SLC17A2: variants seen among roughly 807,000 people sequenced by gnomAD.
The protein encoded by SLC17A2 is sodium-dependent phosphate transport protein 3.
SLC17A2 carries 38 observed loss-of-function variants against 52.1 expected under a neutral mutation model. The ratio of observed to expected loss-of-function variants is 0.73; its 90% CI spans 0.56 to 0.96. The LOEUF (loss-of-function observed/expected upper bound fraction) is 0.96, where lower values mean the gene tolerates loss of function less well. Ranked by LOEUF, SLC17A2 falls within the 40% of genes least tolerant of loss-of-function variation. The probability of loss-of-function intolerance (pLI) is 0.00; values close to 1 mark genes in which losing one functional copy is unlikely to be tolerated. For missense variants in SLC17A2, 508 were observed against 583.9 expected, an observed-to-expected ratio of 0.87 and a Z score of 1.34; for synonymous variants, 226 against 211.9, an observed-to-expected ratio of 1.07 and a Z score of -0.58.
chr6:25,915,900 T>A, intron 8 of SLC17A2, 32 bp from the exon 9 acceptor site: 1 of 1,602,766 alleles, frequency 6.2e-7, no homozygotes, highest in Non-Finnish European at 8.5e-7. Flanking sequence ...AGAGTAGTTA[T>A]AGAGATACGT....
intron 8 of SLC17A2, 36 bp downstream of exon 8, chr6:25,916,649 T>C: frequency 3.2e-6 from 5 of 1,551,972 alleles, no homozygotes; most frequent in Non-Finnish European, 4.4e-6. Flanking sequence ...CTTATTACCA[T>C]TATCATTTTC....
At chr6:25,929,353 T>C (rs1561884674) in intron 1 of SLC17A2, among the ~76,000 whole-genome samples, 3 of 152,170 alleles carry the variant, frequency 2.0e-5, no homozygotes, top group Admixed American at 1.3e-4. Context: ...GCCTCGTAAA[T>C]TGCAAAGTGT....
At chr6:25,913,728 A>G (rs1407450825) in intron 11 of SLC17A2, among the ~76,000 whole-genome samples, 3 of 151,904 alleles carry the variant, frequency 2.0e-5, no homozygotes, top group African/African-American at 7.3e-5. Flanking sequence ...CTCATTTAAA[A>G]TTATGCCTAA....
intron 7 of SLC17A2, 28 bp from the exon 8 acceptor site, chr6:25,916,874 G>A: frequency 6.2e-7 from 1 of 1,613,722 alleles, no homozygotes; most frequent in Non-Finnish European, 8.5e-7. Flanking sequence ...ATCAGCATGA[G>A]TATTAGAGCA....
intron 1 of SLC17A2, among the ~76,000 whole-genome samples, chr6:25,926,119 C>A (rs1766755104): frequency 6.6e-6 from 1 of 152,058 alleles, no homozygotes; most frequent in South Asian, 2.1e-4. Context: ...CTCATCTGTT[C>A]AATAAAGATA....
chr6:25,915,198 A>T (rs556160037), intron 10 of SLC17A2, among the ~76,000 whole-genome samples: 4 of 96,374 alleles, frequency 4.2e-5, no homozygotes, highest in African/African-American at 1.5e-4. Context: ...TATGAACAAC[A>T]CCATGGAAAC....
Position 25,923,652 on chromosome 6 carries a change from GT to G in SLC17A2, c.240+42del, listed in dbSNP as rs1561880903. ...TCAAGATCTATGCCTTCCTTTCAAA[GT>G]TTTTTCTCTCAACAAAGAGCCCTAT... On this transcript the variant is annotated intron_variant, in intron 3 of 11. Transcript: ENST00000377850. 3 of 1,498,044 alleles carry G rather than the reference GT, an allele frequency of 2.0e-6. 1 individual carries two copies. The highest frequency in any genetic ancestry group is 2.8e-6 in the Non-Finnish European group (3 of 1,076,174). 92.8% of individuals were successfully genotyped at this position (1,498,044 alleles called of 1,614,324 possible).
intron 6 of SLC17A2, among the ~76,000 whole-genome samples, chr6:25,918,143 C>G (rs114615008): frequency 6.6e-6 from 1 of 152,300 alleles, no homozygotes; most frequent in South Asian, 2.1e-4. Flanking sequence ...ATGTACTTCA[C>G]TATCTTTGAC....
intron 1 of SLC17A2, 140 bp from the exon 2 acceptor site, chr6:25,926,019 TG>T (rs779970539): frequency 3.2e-5 from 19 of 602,138 alleles, no homozygotes; most frequent in Non-Finnish European, 5.3e-5. Context: ...GGTATGCTTT[TG>T]GTTACAGGAT....
Position 25,921,373 on chromosome 6 carries a change from T to G in SLC17A2, c.280A>C (p.Ile94Leu). 1 of 1,614,160 alleles carries G rather than the reference T, an allele frequency of 6.2e-7. No homozygotes were observed. The highest frequency in any genetic ancestry group is 8.5e-7 in the Non-Finnish European group (1 of 1,180,016). ...YQWSPETQGI[I>L]FSSINYGIIL... is the part of the protein sequence containing the mutation. ...ATCCCATAGTTGATGGAGCTAAAGA[T>G]GATACCCTGAGTTTCTGGGCTCCAT... Residue 94 changes from isoleucine to leucine, a missense_variant, in exon 4 of 12, where the codon ATC (isoleucine) becomes CTC (leucine). Ile to Leu is a conservative substitution (Grantham distance 5, BLOSUM62 2). Coordinates refer to ENST00000377850, the MANE Select transcript of SLC17A2 (RefSeq NM_001286123.3).
chr6:25,922,825 A>G (rs1766606785), intron 3 of SLC17A2, among the ~76,000 whole-genome samples: 1 of 152,196 alleles, frequency 6.6e-6, no homozygotes. Flanking sequence ...AGTAAGTAAG[A>G]TGTTATAACT....
At position 25,925,656 on chromosome 6, in the gene SLC17A2, T is replaced by C. The variant is rs1442082603; in HGVS notation, c.28+113A>G. ...GATCAGGGGCTGGAGCTGGCTCCAA[T>C]GTTACACTGGGAGTATCTTTACGAA... On this transcript the variant is annotated intron_variant, in intron 2 of 11. Transcript: ENST00000377850. 8 of 992,434 alleles carry C rather than the reference T, an allele frequency of 8.1e-6. No individual in the cohort carries two copies. The East Asian group carries it at 1.9e-4, about 24-fold the overall frequency. The allele number at this position is 992,434 out of a possible 1,614,324, so 61.5% of individuals were successfully genotyped here.
rs1020239471 is a variant in SLC17A2 at position 25,920,918 on chromosome 6, C to T, written c.562+88G>A. On this transcript the variant is annotated intron_variant, in intron 5 of 11. Coordinates refer to ENST00000377850, the MANE Select transcript of SLC17A2 (RefSeq NM_001286123.3). ...AATTTTTCAGCAGTACTTTTTCTCTCTCTTCCCCAAACCATTTGATTCATA... is the reference window on the plus strand; with the variant it reads ...AATTTTTCAGCAGTACTTTTTCTCTTTCTTCCCCAAACCATTTGATTCATA... The T allele has an allele frequency of 1.7e-5, 22 of 1,267,656 alleles. No homozygotes were observed. In the Admixed American group the frequency reaches 3.5e-4, roughly 20 times the overall value. The allele number at this position is 1,267,656 out of a possible 1,614,324, so 78.5% of individuals were successfully genotyped here.
chr6:25,915,612 C>G lies in SLC17A2; in HGVS notation c.1098G>C (p.Leu366=). 6.2e-7 allele frequency: 1 copy of G among 1,613,792 alleles called. No individual in the cohort carries two copies. Among genetic ancestry groups the G allele is most frequent in the Non-Finnish European group, 8.5e-7 (1 of 1,179,836 alleles). The change falls in exon 10 of 12, where the codon CTG becomes CTC. Residue 366 remains leucine (L), a synonymous_variant. Transcript: ENST00000377850. Reference sequence around the variant, plus strand: ...TCACGTAACTGGAGGCCACAAAGGGCAGGGCCACAGCACATATTGATGGAA... The same window carrying G: ...TCACGTAACTGGAGGCCACAAAGGGGAGGGCCACAGCACATATTGATGGAA... ...LLLPSICAVA[L]PFVASSYVIT...
chr6:25,929,322 G>C (rs1393684747), intron 1 of SLC17A2, among the ~76,000 whole-genome samples: 1 of 152,188 alleles, frequency 6.6e-6, no homozygotes, highest in African/African-American at 2.4e-5. Context: ...AGTTTGGAGT[G>C]AAAACAAAAG....
chr6:25,925,618 G>A, intron 2 of SLC17A2, 151 bp downstream of exon 2: 3 of 782,540 alleles, frequency 3.8e-6, no homozygotes, highest in Non-Finnish European at 6.8e-6. Flanking sequence ...TGGGGCTAAG[G>A]AAAAAGCAAC....
intron 5 of SLC17A2, among the ~76,000 whole-genome samples, chr6:25,919,337 A>G (rs1301031108): frequency 6.6e-6 from 1 of 152,174 alleles, no homozygotes; most frequent in African/African-American, 2.4e-5. Context: ...GAAAAAAAAG[A>G]TGTAAAATAT....
rs756039687 is a variant in SLC17A2 at position 25,917,083 on chromosome 6, G to A, written c.654C>T (p.Ser218=). The change falls in exon 7 of 12, where the codon AGC becomes AGT. Residue 218 remains serine, a synonymous_variant. Transcript: ENST00000377850. ...ATAGGAGACAGCAGACACAGCCAGT[G>A]CTACCTGGGAAGAAGGGATAAAATT... ...SWPFIFYIFG[S]TGCVCCLLWF... 1.4e-5 allele frequency: 23 copies of A among 1,612,508 alleles called. No homozygotes were observed. The highest frequency in any genetic ancestry group is 3.3e-5 in the South Asian group (3 of 91,048).
intron 1 of SLC17A2, among the ~76,000 whole-genome samples, chr6:25,929,153 A>C (rs142168782): frequency 6.6e-6 from 1 of 152,252 alleles, no homozygotes; most frequent in African/African-American, 2.4e-5. Flanking sequence ...AGTAAATGTT[A>C]CACCTAGATC....
Sources: allele counts gnomAD v4.1 joint callset (sites outside exome capture counted in the v4.1 genomes callset), GRCh38; gene constraint gnomAD v4.1.1; transcripts MANE v1.5; gene names NCBI Gene and HGNC (gene_info 2026-07-23, HGNC 2026-07-21).